Variants in ZNF385D observed in about 807,000 individuals in gnomAD.
ZNF385D encodes zinc finger protein 659.
In ZNF385D, 15 loss-of-function variants were observed where a neutral mutation model predicts 35.8. The observed-to-expected ratio is 0.42, with a 90% CI of 0.28 to 0.64. ZNF385D has a LOEUF of 0.64. ZNF385D is among the 30% of genes least tolerant of loss of function. The pLI is 0.23. For synonymous variants in ZNF385D, 212 were observed against 186.8 expected, an observed-to-expected ratio of 1.13 and a Z score of -1.10; for missense variants, 474 against 494.6, an observed-to-expected ratio of 0.96 and a Z score of 0.39.
At chr3:21,626,242 A>G (rs2125824843) in intron 2 of ZNF385D, among the ~76,000 whole-genome samples, 1 of 152,186 alleles carries the variant, frequency 6.6e-6, no homozygotes, top group Admixed American at 6.6e-5. Context: ...AGCCCCTCAT[A>G]TGTGTCCTTT....
intron 3 of ZNF385D, among the ~76,000 whole-genome samples, chr3:21,556,034 C>G (rs968547816): frequency 2.7e-5 from 4 of 147,734 alleles, no homozygotes; most frequent in Admixed American, 6.7e-5. Flanking sequence ...CTGTTCATAT[C>G]CTTTGCCCAC....
At chr3:21,853,918 G>T (rs1293001719) in intron 3 of ZNF385D, among the ~76,000 whole-genome samples, 1 of 151,696 alleles carries the variant, frequency 6.6e-6, no homozygotes, top group Non-Finnish European at 1.5e-5. Flanking sequence ...ATAGAAATGA[G>T]AAGAGTGATT....
At chr3:21,624,125 A>C (rs770600885) in intron 2 of ZNF385D, among the ~76,000 whole-genome samples, 78 of 152,218 alleles carry the variant, frequency 5.1e-4, no homozygotes, top group African/African-American at 1.9e-3. Flanking sequence ...TATGCAACCA[A>C]TCAACATCAT....
intron 3 of ZNF385D, among the ~76,000 whole-genome samples, chr3:22,148,486 T>A (rs1300975092): frequency 6.6e-6 from 1 of 152,164 alleles, no homozygotes; most frequent in Admixed American, 6.6e-5. Context: ...CAGCCACAGT[T>A]TAAAAATAAC....
At chr3:22,371,414 G>T (rs900616630) in intron 2 of ZNF385D, among the ~76,000 whole-genome samples, 1 of 72,694 alleles carries the variant, frequency 1.4e-5, no homozygotes, top group Non-Finnish European at 2.8e-5. Flanking sequence ...CAGAATGTCA[G>T]ATGTTCTCAG....
At chr3:22,118,847 T>C (rs1702940892) in intron 3 of ZNF385D, among the ~76,000 whole-genome samples, 1 of 152,136 alleles carries the variant, frequency 6.6e-6, no homozygotes, top group Non-Finnish European at 1.5e-5. Context: ...TACATACAAA[T>C]TTGAGCATTT....
chr3:21,608,050 C>A (rs1255399129), intron 2 of ZNF385D, among the ~76,000 whole-genome samples: 3 of 59,148 alleles, frequency 5.1e-5, no homozygotes, highest in Non-Finnish European at 1.1e-4. Flanking sequence ...CTTGCTGTCG[C>A]CCAGACAGGA....
At chr3:21,630,001 C>T (rs1172051408) in intron 2 of ZNF385D, among the ~76,000 whole-genome samples, 1 of 106,970 alleles carries the variant, frequency 9.3e-6, no homozygotes, top group African/African-American at 3.1e-5. Context: ...AGAAAGTGTC[C>T]CTCTGTATAT....
intron 2 of ZNF385D, among the ~76,000 whole-genome samples, chr3:22,338,680 G>A (rs1274075550): frequency 6.7e-6 from 1 of 149,632 alleles, no homozygotes; most frequent in Non-Finnish European, 1.5e-5. Context: ...TTAATGTGCA[G>A]CAAAACATAT....
chr3:21,917,935 G>A (rs1700269041), intron 3 of ZNF385D, among the ~76,000 whole-genome samples: 1 of 152,154 alleles, frequency 6.6e-6, no homozygotes, highest in African/African-American at 2.4e-5. Flanking sequence ...CTTCGTAAGT[G>A]TAGAGGACCC....
intron 3 of ZNF385D, among the ~76,000 whole-genome samples, chr3:21,971,655 A>G (rs1703265356): frequency 6.6e-6 from 1 of 151,764 alleles, no homozygotes; most frequent in Non-Finnish European, 1.5e-5. Flanking sequence ...CTCTCAAATC[A>G]AAAGACATAG....
intron 3 of ZNF385D, among the ~76,000 whole-genome samples, chr3:21,766,218 A>T (rs897328917): frequency 3.3e-5 from 5 of 152,092 alleles, no homozygotes; most frequent in African/African-American, 9.7e-5. Context: ...TTTAATGTCT[A>T]TCCTCCACTG....
intron 3 of ZNF385D, among the ~76,000 whole-genome samples, chr3:21,550,138 A>G (rs4626113): frequency 0.89 from 136,002 of 152,166 alleles, 60,934 homozygotes; most frequent in African/African-American, 0.96. Context: ...ATTCAAGCAT[A>G]CTTATAAAGA....
At chr3:21,924,345 C>T (rs1700620439) in intron 3 of ZNF385D, among the ~76,000 whole-genome samples, 1 of 152,086 alleles carries the variant, frequency 6.6e-6, no homozygotes, top group Admixed American at 6.5e-5. Flanking sequence ...TCATTTCTCC[C>T]AGACTTAAGG....
chr3:21,847,608 C>T (rs1486974967), intron 3 of ZNF385D, among the ~76,000 whole-genome samples: 1 of 151,860 alleles, frequency 6.6e-6, no homozygotes, highest in Non-Finnish European at 1.5e-5. Flanking sequence ...TTGCAGTTTC[C>T]TCTCCTTTGG....
chr3:22,349,064 T>C lies in ZNF385D; in HGVS notation c.106+23386A>G, dbSNP rs908669326. Among the ~76,000 whole-genome samples the C allele has an allele frequency of 8.5e-5, 13 of 152,186 alleles. No individual in the cohort carries two copies. In the South Asian group the frequency reaches 1.2e-3, roughly 15 times the overall value. ...ACTATAAAATTACTCTTCATTTAGG[T>C]TAATATTTGCTTAAAATTCAGAACT... On this transcript the variant is annotated intron_variant, in intron 2 of 5. Coordinates refer to the ZNF385D transcript ENST00000494108.
intron 4 of ZNF385D, among the ~76,000 whole-genome samples, chr3:21,506,580 G>A (rs147872465): frequency 2.0e-4 from 31 of 152,208 alleles, no homozygotes; most frequent in African/African-American, 7.2e-4. Context: ...GTTACTTTGA[G>A]TATAATTTTT....
At chr3:22,244,936 G>T (rs1210138613) in intron 2 of ZNF385D, among the ~76,000 whole-genome samples, 1 of 151,916 alleles carries the variant, frequency 6.6e-6, no homozygotes, top group Non-Finnish European at 1.5e-5. Context: ...TACAATTTGT[G>T]CTAGAGGAGC....
At chr3:22,194,104 A>G (rs1696244006) in intron 2 of ZNF385D, among the ~76,000 whole-genome samples, 1 of 151,968 alleles carries the variant, frequency 6.6e-6, no homozygotes, top group Admixed American at 6.6e-5. Context: ...ACATGCATGA[A>G]TGGTAACACA....
Sources: allele counts gnomAD v4.1 joint callset (sites outside exome capture counted in the v4.1 genomes callset), GRCh38; gene constraint gnomAD v4.1.1; transcripts MANE v1.5; gene names NCBI Gene and HGNC (gene_info 2026-07-23, HGNC 2026-07-21).